The following NEDD9 variants were observed in gnomAD, a reference collection of about 807,000 sequenced individuals.
NEDD9 encodes neural precursor cell expressed, developmentally down-regulated 9.
A neutral mutation model predicts 76.6 loss-of-function variants in NEDD9; 26 were observed. The ratio of observed to expected loss-of-function variants is 0.34; its 90% CI spans 0.25 to 0.47. The LOEUF is 0.47. NEDD9 is among the 20% of genes least tolerant of loss of function. The pLI, the probability that NEDD9 is intolerant of heterozygous loss-of-function variation, is 1.00. For missense variants in NEDD9, 937 were observed against 1,058.5 expected, an observed-to-expected ratio of 0.89 and a Z score of 1.59; for synonymous variants, 392 against 414.2, an observed-to-expected ratio of 0.95 and a Z score of 0.65.
At chr6:11,363,933 C>A (rs1287453629) in intron 1 of NEDD9, among the ~76,000 whole-genome samples, 2 of 152,128 alleles carry the variant, frequency 1.3e-5, no homozygotes, top group African/African-American at 4.8e-5. Context: ...CAAAAGGTAG[C>A]AAGCAGTAAA....
At chr6:11,207,062 G>A (rs969575483) in intron 2 of NEDD9, among the ~76,000 whole-genome samples, 2 of 152,156 alleles carry the variant, frequency 1.3e-5, no homozygotes, top group African/African-American at 2.4e-5. Flanking sequence ...TGAGGAAACC[G>A]AAGTACCCTC....
At chr6:11,312,712 T>TATATA (rs1439587093) in intron 2 of NEDD9, among the ~76,000 whole-genome samples, 200 of 147,158 alleles carry the variant, frequency 1.4e-3, no homozygotes, top group African/African-American at 2.6e-3. Context: ...ATATATATAT[T>TATATA]TTTAAAGAGT....
upstream of NEDD9, among the ~76,000 whole-genome samples, chr6:11,236,404 C>T (rs1410522600): frequency 1.3e-5 from 2 of 152,200 alleles, no homozygotes; most frequent in Non-Finnish European, 2.9e-5. This position sits in a 1 kb window ranked among gnomAD's most constrained non-coding sequence, Gnocchi z 5.5. Flanking sequence ...TGCAACTGGG[C>T]ACTGGCATAA....
At chr6:11,343,958 A>C (rs919740265) in intron 1 of NEDD9, among the ~76,000 whole-genome samples, 2 of 152,208 alleles carry the variant, frequency 1.3e-5, no homozygotes, top group African/African-American at 4.8e-5. Context: ...GTAACCAGAT[A>C]TCTGTCTGTA....
chr6:11,347,374 A>C (rs750335620), intron 1 of NEDD9, among the ~76,000 whole-genome samples: 2 of 152,186 alleles, frequency 1.3e-5, no homozygotes, highest in Non-Finnish European at 2.9e-5. Flanking sequence ...TGGTACTGAA[A>C]CTGTTCCCAA....
chr6:11,202,273 G>A (rs564833356), intron 2 of NEDD9, among the ~76,000 whole-genome samples: 33 of 152,090 alleles, frequency 2.2e-4, no homozygotes, highest in African/African-American at 6.8e-4. Flanking sequence ...CTCTCTTTGC[G>A]TTTCATGAAT....
At chr6:11,343,930 T>C (rs961585017) in intron 1 of NEDD9, among the ~76,000 whole-genome samples, 3 of 152,214 alleles carry the variant, frequency 2.0e-5, no homozygotes, top group Non-Finnish European at 4.4e-5. Flanking sequence ...GGGTGAACTA[T>C]AGATGTTTAC....
chr6:11,235,353 G>C (rs950204970), upstream of NEDD9, among the ~76,000 whole-genome samples: 3 of 152,122 alleles, frequency 2.0e-5, no homozygotes, highest in Non-Finnish European at 4.4e-5. The surrounding 1 kb of genome is among the most constrained non-coding windows in gnomAD (Gnocchi z 4.1). Context: ...CCCCTTCTCT[G>C]TGTGCCATTC....
At chr6:11,259,805 A>G (rs955420628) in intron 3 of NEDD9, among the ~76,000 whole-genome samples, 9 of 152,200 alleles carry the variant, frequency 5.9e-5, no homozygotes, top group African/African-American at 2.2e-4. Context: ...ACTAATATTA[A>G]TTAGCAATTT....
At position 11,218,670 on chromosome 6, in the gene NEDD9, T is replaced by G. The variant is rs1469042250; in HGVS notation, c.13-4943A>C. ...TCTGGACTCTGATTTCCTCATTGTC[T>G]GCAGGGAGGGTGAAATTGTTGTACT... On this transcript the variant is annotated intron_variant, in intron 1 of 6. Coordinates refer to ENST00000379446, the MANE Select transcript of NEDD9 (RefSeq NM_006403.4). 3.3e-5 allele frequency among the ~76,000 whole-genome samples: 5 copies of G among 152,354 alleles called. No individual in the cohort carries two copies. In the East Asian group the frequency reaches 9.6e-4, roughly 29 times the overall value.
Position 11,241,910 on chromosome 6 carries a change from A to T in NEDD9, c.13-28183T>A, listed in dbSNP as rs1466273682. On this transcript the variant is annotated intron_variant, in intron 3 of 3. Coordinates refer to the NEDD9 transcript ENST00000397378. This position sits in a 1 kb window ranked among gnomAD's most constrained non-coding sequence, Gnocchi z 4.0. ...AGCGCATGAAAGGAATCCGGATAATACAAGGCCTGGTGGAGAGGCGGGTGA... is the reference window on the plus strand; with the variant it reads ...AGCGCATGAAAGGAATCCGGATAATTCAAGGCCTGGTGGAGAGGCGGGTGA... Among the ~76,000 whole-genome samples, 1 of 152,348 alleles carries T rather than the reference A, an allele frequency of 6.6e-6. No homozygotes were observed. Among genetic ancestry groups the T allele is most frequent in the East Asian group, 1.9e-4 (1 of 5,180 alleles).
chr6:11,312,434 C>G (rs1761399102), intron 2 of NEDD9, among the ~76,000 whole-genome samples: 1 of 152,130 alleles, frequency 6.6e-6, no homozygotes, highest in Non-Finnish European at 1.5e-5. Context: ...CTCCATTCCT[C>G]TCTGTCCCTA....
At chr6:11,219,630 T>G (rs181742626) in intron 1 of NEDD9, among the ~76,000 whole-genome samples, 1 of 152,338 alleles carries the variant, frequency 6.6e-6, no homozygotes, top group East Asian at 1.9e-4. Flanking sequence ...AAGTCAGTCC[T>G]AAGGCAGGCA....
chr6:11,352,278 T>A (rs1762485085), intron 1 of NEDD9: 1 of 150,798 alleles, frequency 6.6e-6, no homozygotes, highest in African/African-American at 2.4e-5. Context: ...AGCATACAGA[T>A]CTTGTCCTCA....
intron 1 of NEDD9, among the ~76,000 whole-genome samples, chr6:11,372,180 C>T (rs760532985): frequency 1.5e-4 from 23 of 151,554 alleles, no homozygotes; most frequent in Non-Finnish European, 3.1e-4. Flanking sequence ...GTAACCATCC[C>T]TCTATTGTCT....
At chr6:11,306,723 C>G (rs1050431642) in intron 2 of NEDD9, among the ~76,000 whole-genome samples, 4 of 152,202 alleles carry the variant, frequency 2.6e-5, no homozygotes, top group Non-Finnish European at 5.9e-5. Flanking sequence ...CTACCTCTTA[C>G]CAGCAGCTTG....
intron 3 of NEDD9, among the ~76,000 whole-genome samples, chr6:11,250,630 C>T (rs927197711): frequency 6.6e-5 from 10 of 152,182 alleles, no homozygotes; most frequent in African/African-American, 2.4e-4. Flanking sequence ...CCCCAGGTCC[C>T]CAGGAGACAC....
At chr6:11,221,855 C>A (rs961235913) in intron 1 of NEDD9, among the ~76,000 whole-genome samples, 4 of 152,208 alleles carry the variant, frequency 2.6e-5, no homozygotes, top group East Asian at 3.9e-4. Flanking sequence ...ACCCACCCAC[C>A]CACAAGATAG....
intron 1 of NEDD9, among the ~76,000 whole-genome samples, chr6:11,347,900 T>C (rs1762393448): frequency 6.6e-6 from 1 of 152,144 alleles, no homozygotes; most frequent in African/African-American, 2.4e-5. Flanking sequence ...GGATGCCCTC[T>C]CTCACCACTC....
Sources: gnomAD v4.1 joint callset for allele counts (sites outside exome capture counted in the v4.1 genomes callset) on GRCh38, gnomAD v4.1.1 for gene constraint, Gnocchi (gnomAD v3.1) non-coding constraint, MANE v1.5 for transcripts, NCBI Gene and HGNC (gene_info 2026-07-23, HGNC 2026-07-21) for gene names.